The following ZCWPW2 variants were observed in gnomAD, a reference collection of about 807,000 sequenced individuals.
ZCWPW2 encodes the protein zinc finger CW-type and PWWP domain containing 2.
ZCWPW2 carries 45 observed loss-of-function variants against 46.6 expected under a neutral mutation model. The ratio of observed to expected loss-of-function variants is 0.96; its 90% CI spans 0.76 to 1.24. The LOEUF (loss-of-function observed/expected upper bound fraction) is 1.24, where lower values mean the gene tolerates loss of function less well. Among genes scored for constraint, ZCWPW2 ranks in the 50% most tolerant of loss-of-function variants. ZCWPW2 has a pLI of 0.00. For missense variants in ZCWPW2, 429 were observed against 403.9 expected, an observed-to-expected ratio of 1.06 and a Z score of -0.53; for synonymous variants, 152 against 137.1, an observed-to-expected ratio of 1.11 and a Z score of -0.76.
intron 2 of ZCWPW2, among the ~76,000 whole-genome samples, chr3:28,410,592 A>G (rs1696363135): frequency 7.3e-6 from 1 of 137,566 alleles, no homozygotes; most frequent in South Asian, 2.1e-4. Context: ...AATTTTTTAA[A>G]TTAAGTAACT....
intron 3 of ZCWPW2, among the ~76,000 whole-genome samples, chr3:28,428,783 G>C (rs1397844785): frequency 2.0e-5 from 3 of 151,962 alleles, no homozygotes; most frequent in Non-Finnish European, 4.4e-5. Context: ...GTTTTATAAG[G>C]GACTTTTCCC....
At chr3:28,457,676 G>T (rs1373019549) in intron 4 of ZCWPW2, among the ~76,000 whole-genome samples, 1 of 152,134 alleles carries the variant, frequency 6.6e-6, no homozygotes, top group African/African-American at 2.4e-5. Flanking sequence ...ATGCTCATTT[G>T]CTTCTTGTGC....
At chr3:28,402,755 A>T (rs551900592) in intron 2 of ZCWPW2, among the ~76,000 whole-genome samples, 25 of 152,246 alleles carry the variant, frequency 1.6e-4, no homozygotes, top group Non-Finnish European at 3.2e-4. Context: ...TATGCAAGTC[A>T]ATAAATGTGA....
intron 4 of ZCWPW2, among the ~76,000 whole-genome samples, chr3:28,452,874 A>G (rs1698280186): frequency 6.6e-6 from 1 of 152,216 alleles, no homozygotes; most frequent in Non-Finnish European, 1.5e-5. Flanking sequence ...TTAAGATCAT[A>G]TATAGAAAAT....
rs1253110657 is a variant in ZCWPW2 at position 28,380,965 on chromosome 3, T to G, written c.-133-9533T>G. ...ATATATATATATATATATATATATA[T>G]ATATATTTGGTATATATATATATAT... On this transcript the variant is annotated intron_variant, in intron 1 of 9. Transcript: ENST00000383768. 8.1e-4 allele frequency among the ~76,000 whole-genome samples: 37 copies of G among 45,690 alleles called. 9 individuals carry two copies. The highest frequency in any genetic ancestry group is 3.4e-3 in the Admixed American group (13 of 3,784). 30.0% of individuals were successfully genotyped at this position (45,690 alleles called of 152,430 possible).
chr3:28,443,501 A>G (rs78752811), intron 4 of ZCWPW2, among the ~76,000 whole-genome samples: 3,979 of 152,214 alleles, frequency 0.026, 153 homozygotes, highest in African/African-American at 0.085. Context: ...GCTTGTATAA[A>G]TTAAGTAGGA....
At chr3:28,367,111 A>AT (rs1288790771) in intron 1 of ZCWPW2, among the ~76,000 whole-genome samples, 4 of 151,908 alleles carry the variant, frequency 2.6e-5, no homozygotes, top group Non-Finnish European at 5.9e-5. Context: ...GGCTTCATTG[A>AT]TTTTTTGAAG....
intron 3 of ZCWPW2, among the ~76,000 whole-genome samples, chr3:28,426,482 G>A (rs1005875808): frequency 1.3e-5 from 2 of 151,996 alleles, no homozygotes; most frequent in Non-Finnish European, 2.9e-5. Flanking sequence ...GTCCAGTTTG[G>A]TAATAAAATA....
intron 4 of ZCWPW2, among the ~76,000 whole-genome samples, chr3:28,449,523 G>A (rs1286485760): frequency 6.6e-6 from 1 of 152,170 alleles, no homozygotes; most frequent in Non-Finnish European, 1.5e-5. Context: ...GCTGAGGGAA[G>A]TAGAGAATAG....
intron 6 of ZCWPW2, among the ~76,000 whole-genome samples, chr3:28,492,457 C>T (rs983951319): frequency 1.3e-5 from 2 of 151,874 alleles, no homozygotes; most frequent in African/African-American, 2.4e-5. Context: ...CATATACATA[C>T]TCATATACTA....
chr3:28,398,923 C>G (rs754456112), intron 2 of ZCWPW2, among the ~76,000 whole-genome samples: 2 of 152,142 alleles, frequency 1.3e-5, no homozygotes, highest in Admixed American at 6.5e-5. Flanking sequence ...TTGAACTGAT[C>G]GAGAGGCCTC....
rs184969279 is a variant in ZCWPW2 at position 28,525,697 on chromosome 3, G to C, written c.*1009G>C. On this transcript the variant is annotated 3_prime_UTR_variant, in exon 10 of 10. Transcript: ENST00000383768. ...AAATAAGACACCAAACAACCAACGTGTCACTCATTGAGTGGGTTGCTTCTT... is the reference window on the plus strand; with the variant it reads ...AAATAAGACACCAAACAACCAACGTCTCACTCATTGAGTGGGTTGCTTCTT... Among the ~76,000 whole-genome samples, 1 of 152,166 alleles carries C rather than the reference G, an allele frequency of 6.6e-6. No homozygotes were observed. The highest frequency in any genetic ancestry group is 1.5e-5 in the Non-Finnish European group (1 of 68,028).
chr3:28,469,994 A>G (rs965578060), intron 4 of ZCWPW2, among the ~76,000 whole-genome samples: 36 of 152,204 alleles, frequency 2.4e-4, no homozygotes, highest in African/African-American at 8.0e-4. Flanking sequence ...TCCTCAGCAC[A>G]TGGATGATTC....
chr3:28,358,702 T>C (rs1704830595), intron 1 of ZCWPW2, among the ~76,000 whole-genome samples: 1 of 152,110 alleles, frequency 6.6e-6, no homozygotes, highest in African/African-American at 2.4e-5. Context: ...ACACATTCCC[T>C]TTGTACTTGA....
chr3:28,481,663 G>A (rs1419791224), intron 5 of ZCWPW2, among the ~76,000 whole-genome samples: 1 of 152,042 alleles, frequency 6.6e-6, no homozygotes, highest in Non-Finnish European at 1.5e-5. Context: ...GAAGGATCCG[G>A]ACTTTGATGC....
Position 28,521,159 on chromosome 3 carries a change from A to T in ZCWPW2, c.909+43A>T, listed in dbSNP as rs144907896. ...TTTCAGACCTAAATAACAACTTCAA[A>T]TTCTTTAAACAGCAGAATTGTTCCT... On this transcript the variant is annotated intron_variant, in intron 9 of 9. Transcript: ENST00000383768. The T allele has an allele frequency of 1.4e-4, 217 of 1,560,840 alleles. 2 individuals are homozygous for T. The African/African-American group carries it at 2.4e-3, about 17-fold the overall frequency.
At position 28,400,144 on chromosome 3, in the gene ZCWPW2, A is replaced by G. The variant is rs997497624; in HGVS notation, c.-14+9527A>G. On this transcript the variant is annotated intron_variant, in intron 2 of 9. Coordinates refer to ENST00000383768, the MANE Select transcript of ZCWPW2 (RefSeq NM_001040432.4). ...CTTATAGAAATGCAAAATGCTCTGG[A>G]AAGTCTCAGCAATAGAATGGAACAA... Among the ~76,000 whole-genome samples the G allele has an allele frequency of 1.1e-4, 16 of 152,186 alleles. No homozygotes were observed. The South Asian group carries it at 1.9e-3, about 18-fold the overall frequency.
intron 1 of ZCWPW2, among the ~76,000 whole-genome samples, chr3:28,366,529 G>C (rs1705124934): frequency 7.5e-6 from 1 of 132,884 alleles, no homozygotes; most frequent in Admixed American, 7.8e-5. Context: ...TTGATGTGCT[G>C]CTGGATTCGG....
chr3:28,431,906 A>T (rs976666866), intron 3 of ZCWPW2, among the ~76,000 whole-genome samples: 4 of 152,124 alleles, frequency 2.6e-5, no homozygotes, highest in Admixed American at 1.3e-4. Context: ...AGGAACTTAG[A>T]ATCATGGTGG....
Sources: allele counts gnomAD v4.1 joint callset (sites outside exome capture counted in the v4.1 genomes callset), GRCh38; gene constraint gnomAD v4.1.1; transcripts MANE v1.5; gene names NCBI Gene and HGNC (gene_info 2026-07-23, HGNC 2026-07-21).